The following RAD51B variants were observed in gnomAD, a reference collection of about 807,000 sequenced individuals.
The protein encoded by RAD51B is DNA repair protein RAD51 homolog 2.
RAD51B carries 38 observed loss-of-function variants against 42.2 expected under a neutral mutation model. That is an observed-to-expected ratio of 0.90 (90% CI 0.70 to 1.18). The LOEUF is 1.18. Among genes scored for constraint, RAD51B ranks in the 50% most tolerant of loss-of-function variants. The pLI, the probability that RAD51B is intolerant of heterozygous loss-of-function variation, is 0.00. For synonymous variants in RAD51B, 154 were observed against 145.2 expected (o/e 1.06, Z -0.43); for missense variants, 373 against 400.7 (o/e 0.93, Z 0.59).
chr14:68,624,795 C>G (rs756220080), intron 10 of RAD51B, among the ~76,000 whole-genome samples: 1 of 152,198 alleles, frequency 6.6e-6, no homozygotes, highest in Admixed American at 6.5e-5. Flanking sequence ...GACTTCTTCC[C>G]TCATCATCCC....
At position 68,326,687 on chromosome 14, in the gene RAD51B, G is replaced by A. The variant is rs117627617; in HGVS notation, c.853+34707G>A. Among the ~76,000 whole-genome samples the A allele has an allele frequency of 2.7e-3, 412 of 152,256 alleles. 10 individuals carry two copies. In the East Asian group the frequency reaches 0.046, roughly 17 times the overall value. ...AGGAGTAGACATAAAATGAGCACAG[G>A]TTGCCACTAGAACTTTTTCTATAAC... On this transcript the variant is annotated intron_variant, in intron 8 of 10. Transcript: ENST00000471583.
intron 10 of RAD51B, among the ~76,000 whole-genome samples, chr14:68,486,611 G>A (rs1290773267): frequency 2.6e-5 from 4 of 152,148 alleles, no homozygotes; most frequent in African/African-American, 7.2e-5. Context: ...GTGAAAAGCC[G>A]GAGGAAAGCT....
At chr14:68,218,606 C>T (rs1006701227) in intron 7 of RAD51B, among the ~76,000 whole-genome samples, 3 of 152,160 alleles carry the variant, frequency 2.0e-5, no homozygotes, top group Non-Finnish European at 4.4e-5. Context: ...GAGACAGAAA[C>T]TTCAAATGCA....
intron 7 of RAD51B, among the ~76,000 whole-genome samples, chr14:68,137,662 G>A (rs1324164796): frequency 2.0e-5 from 3 of 151,974 alleles, no homozygotes; most frequent in Non-Finnish European, 4.4e-5. Flanking sequence ...TATTCATTGG[G>A]GCAAAAAGGT....
intron 8 of RAD51B, among the ~76,000 whole-genome samples, chr14:68,375,574 C>T (rs2083351135): frequency 6.6e-6 from 1 of 152,082 alleles, no homozygotes; most frequent in South Asian, 2.1e-4. Context: ...CAGAGCTCTT[C>T]TCACAACTGT....
chr14:67,913,151 A>G (rs187712677), intron 7 of RAD51B, among the ~76,000 whole-genome samples: 37 of 152,278 alleles, frequency 2.4e-4, no homozygotes, highest in African/African-American at 8.7e-4. Context: ...GTTCTTACTG[A>G]AAACAGTTTC....
chr14:68,294,172 A>C (rs2081569338), intron 8 of RAD51B, among the ~76,000 whole-genome samples: 1 of 152,236 alleles, frequency 6.6e-6, no homozygotes, highest in Non-Finnish European at 1.5e-5. Context: ...CATAGAAAAG[A>C]AATTGCTTCA....
chr14:67,823,474 T>A, intron 1 of RAD51B, 68 bp from the exon 2 acceptor site: 1 of 1,352,758 alleles, frequency 7.4e-7, no homozygotes, highest in African/African-American at 1.5e-5. Flanking sequence ...GGATAGCCTA[T>A]TCACTATCAC....
chr14:68,165,144 G>T (rs2078723063), intron 7 of RAD51B, among the ~76,000 whole-genome samples: 1 of 152,276 alleles, frequency 6.6e-6, no homozygotes, highest in Admixed American at 6.5e-5. Context: ...AATCTTTATG[G>T]AGTAAAACGG....
chr14:68,035,281 A>T (rs149567228), intron 7 of RAD51B, among the ~76,000 whole-genome samples: 39 of 152,304 alleles, frequency 2.6e-4, no homozygotes, highest in Admixed American at 3.9e-4. Context: ...TTCAAAAATG[A>T]GTTGTTTGTG....
chr14:67,854,319 A>G (rs966081702), intron 4 of RAD51B, among the ~76,000 whole-genome samples: 4 of 152,230 alleles, frequency 2.6e-5, no homozygotes, highest in African/African-American at 9.6e-5. Flanking sequence ...GCTATTGTGA[A>G]TAGGTAAAAT....
intron 9 of RAD51B, among the ~76,000 whole-genome samples, chr14:68,439,254 C>A (rs1434444081): frequency 6.6e-6 from 1 of 151,944 alleles, no homozygotes; most frequent in African/African-American, 2.4e-5. Context: ...TAGTTCCTCT[C>A]CACGATCCCT....
chr14:68,638,185 A>G (rs1206952385), intron 10 of RAD51B, among the ~76,000 whole-genome samples: 2 of 152,126 alleles, frequency 1.3e-5, no homozygotes, highest in Non-Finnish European at 2.9e-5. Context: ...ATCCTAACTC[A>G]CACATTCACA....
At chr14:68,624,331 G>A (rs1892022262) in intron 10 of RAD51B, among the ~76,000 whole-genome samples, 1 of 152,160 alleles carries the variant, frequency 6.6e-6, no homozygotes, top group Admixed American at 6.5e-5. Flanking sequence ...TACGTCCCCA[G>A]CATGATATCC....
intron 8 of RAD51B, among the ~76,000 whole-genome samples, chr14:68,325,746 G>A (rs1051115503): frequency 6.6e-6 from 1 of 152,020 alleles, no homozygotes; most frequent in Non-Finnish European, 1.5e-5. Flanking sequence ...GGGAGACATC[G>A]ATGATGTTCT....
intron 7 of RAD51B, among the ~76,000 whole-genome samples, chr14:68,218,488 C>T (rs928231373): frequency 1.3e-5 from 2 of 152,164 alleles, no homozygotes; most frequent in African/African-American, 4.8e-5. Context: ...GAAATATGTG[C>T]TTGCTGAAAA....
intron 10 of RAD51B, among the ~76,000 whole-genome samples, chr14:68,564,254 G>A (rs555004796): frequency 1.3e-5 from 2 of 152,284 alleles, no homozygotes; most frequent in South Asian, 2.1e-4. Flanking sequence ...ATATCCCTTC[G>A]GTACAAATCT....
intron 7 of RAD51B, among the ~76,000 whole-genome samples, chr14:68,053,471 A>T (rs906250556): frequency 8.5e-5 from 13 of 152,214 alleles, no homozygotes; most frequent in Non-Finnish European, 2.9e-5. Context: ...TTTGGTTGTG[A>T]GAATGTCAGC....
At chr14:68,624,144 G>A (rs1201413050) in intron 10 of RAD51B, among the ~76,000 whole-genome samples, 4 of 152,208 alleles carry the variant, frequency 2.6e-5, no homozygotes, top group African/African-American at 7.2e-5. Flanking sequence ...TCTTGGTTTC[G>A]TCTGAATGGT....
Sources: allele counts gnomAD v4.1 joint callset (sites outside exome capture counted in the v4.1 genomes callset), GRCh38; gene constraint gnomAD v4.1.1; transcripts MANE v1.5; gene names NCBI Gene and HGNC (gene_info 2026-07-23, HGNC 2026-07-21).